Variants in PKD1L3 observed in about 807,000 individuals in gnomAD.
The protein encoded by PKD1L3 is polycystin-1-like protein 3.
In PKD1L3, 239 loss-of-function variants were observed where a neutral mutation model predicts 184.1. The observed-to-expected ratio is 1.30, with a 90% confidence interval of 1.17 to 1.45. The LOEUF (loss-of-function observed/expected upper bound fraction) is 1.45. Ranked by LOEUF, PKD1L3 falls within the 40% of genes most tolerant of loss-of-function variation. The probability of loss-of-function intolerance (pLI) is 0.00; values close to 1 mark genes in which losing one functional copy is unlikely to be tolerated. For synonymous variants in PKD1L3, 996 were observed against 778.8 expected (o/e 1.28, Z -4.64); for missense variants, 2,660 against 2,067.2 (o/e 1.29, Z -5.56).
At position 71,950,143 on chromosome 16, in the gene PKD1L3, G is replaced by C. The variant is rs879920371; in HGVS notation, c.3358C>G (p.Leu1120Val). The C allele has an allele frequency of 6.4e-7, 1 of 1,552,040 alleles. No homozygotes were observed. Among genetic ancestry groups the C allele is most frequent in the Non-Finnish European group, 8.7e-7 (1 of 1,147,084 alleles). The change falls in exon 20 of 30, where the codon CTT becomes GTT. Residue 1120 changes from leucine (L) to valine (V), a missense_variant. By Grantham distance (32) the Leu-to-Val change is conservative. Coordinates refer to ENST00000620267, the MANE Select transcript of PKD1L3 (RefSeq NM_181536.2). ...KLQELLETHI[L>V]PTEQEPSREV... The stretch of plus-strand genomic sequence containing the variant: ...CTGGATGGCTCTTGCTCCGTGGGAA[G>C]AATATGTGTTTCCAAGAGTTCCTGG...
intron 29 of PKD1L3, 32 bp from the exon 30 acceptor site, chr16:71,929,710 GA>G (rs2037854060): frequency 2.7e-6 from 4 of 1,498,120 alleles, no homozygotes; most frequent in Non-Finnish European, 2.7e-6. Flanking sequence ...AGAAAAGTGA[GA>G]AAATTGAAAT....
chr16:71,996,189 C>G (rs968607639), intron 2 of PKD1L3, among the ~76,000 whole-genome samples: 2 of 149,440 alleles, frequency 1.3e-5, no homozygotes, highest in Non-Finnish European at 3.0e-5. Flanking sequence ...GACGCTGATA[C>G]AGTCATGTCA....
intron 16 of PKD1L3, among the ~76,000 whole-genome samples, chr16:71,961,439 G>C (rs2039275255): frequency 6.6e-6 from 1 of 152,036 alleles, no homozygotes; most frequent in African/African-American, 2.4e-5. Flanking sequence ...CCTTGAATCT[G>C]ATTTTCAAAG....
intron 29 of PKD1L3, 65 bp downstream of exon 29, chr16:71,929,987 G>C: frequency 6.8e-7 from 1 of 1,462,744 alleles, no homozygotes; most frequent in Non-Finnish European, 9.2e-7. Flanking sequence ...GTCATCTTAG[G>C]GGCAGTTACA....
chr16:71,945,875 A>C (rs1567499353), intron 22 of PKD1L3, among the ~76,000 whole-genome samples: 1 of 152,148 alleles, frequency 6.6e-6, no homozygotes, highest in Non-Finnish European at 1.5e-5. Context: ...AACAAGGGTG[A>C]TGATAAGGGG....
At chr16:71,936,327 C>T (rs990220599) in intron 25 of PKD1L3, among the ~76,000 whole-genome samples, 5 of 150,954 alleles carry the variant, frequency 3.3e-5, no homozygotes, top group East Asian at 3.9e-4. Context: ...CCCAGTCTCC[C>T]GAGTAGCTGG....
intron 13 of PKD1L3, 89 bp downstream of exon 13, chr16:71,969,786 T>C (rs954658454): frequency 5.0e-6 from 6 of 1,201,460 alleles, no homozygotes; most frequent in Middle Eastern, 2.0e-4. Context: ...CCAGGCTTCC[T>C]GCTGCTTTTG....
At chr16:71,946,520 A>C (rs535246488) in intron 22 of PKD1L3, among the ~76,000 whole-genome samples, 1 of 151,938 alleles carries the variant, frequency 6.6e-6, no homozygotes, top group African/African-American at 2.4e-5. Flanking sequence ...TGTGAGGTTC[A>C]TCCAGGTGAT....
At chr16:71,937,147 C>G (rs1431833571) in intron 25 of PKD1L3, 145 bp downstream of exon 25, 6 of 782,276 alleles carry the variant, frequency 7.7e-6, no homozygotes, top group Non-Finnish European at 1.2e-5. Flanking sequence ...CCTCTGCCTC[C>G]CAGGCTCAAG....
At chr16:71,958,030 T>A (rs529279952) in intron 16 of PKD1L3, among the ~76,000 whole-genome samples, 8 of 152,242 alleles carry the variant, frequency 5.3e-5, no homozygotes, top group African/African-American at 1.9e-4. Flanking sequence ...CTTCAAAGTG[T>A]TAAGGGAAAA....
At position 71,979,861 on chromosome 16, in the gene PKD1L3, G is replaced by A. The variant is rs889780448; in HGVS notation, c.1323C>T (p.Ala441=). ...PLSSYTLGHP[A]PVRLGFPSAL... is the part of the protein sequence containing the mutation. ...CCGACGGAAAGCCTAGCCTCACAGG[G>A]GCTGGGTGACCCAGAGTGTAAGAGC... is the stretch of plus-strand genomic sequence containing the variant. The change falls in exon 9 of 30, where the codon GCC becomes GCT. Residue 441 remains alanine, a synonymous_variant. Transcript: ENST00000620267. 2.6e-6 allele frequency: 4 copies of A among 1,536,470 alleles called. No individual in the cohort carries two copies. The highest frequency in any genetic ancestry group is 2.5e-5 in the South Asian group (2 of 80,598).
At chr16:71,968,147 A>T in intron 13 of PKD1L3, 140 bp from the exon 14 acceptor site, 1 of 645,988 alleles carries the variant, frequency 1.5e-6, no homozygotes, top group South Asian at 1.9e-5. Context: ...TGTGGGCAGC[A>T]GACAGACACA....
intron 19 of PKD1L3, among the ~76,000 whole-genome samples, chr16:71,950,944 C>T (rs2038807094): frequency 6.6e-6 from 1 of 150,388 alleles, no homozygotes; most frequent in East Asian, 1.9e-4. Flanking sequence ...GGTTTTGTCA[C>T]ATTGGCCAGG....
chr16:71,985,562 G>C (rs2040325739), intron 5 of PKD1L3, among the ~76,000 whole-genome samples: 1 of 151,924 alleles, frequency 6.6e-6, no homozygotes, highest in South Asian at 2.1e-4. Flanking sequence ...CCCCCAAGTA[G>C]CTGGGACTAC....
chr16:71,995,787 T>C (rs1347866459), intron 2 of PKD1L3, among the ~76,000 whole-genome samples: 1 of 152,218 alleles, frequency 6.6e-6, no homozygotes, highest in Non-Finnish European at 1.5e-5. Context: ...GATGTATATG[T>C]AATTTTGCTA....
intron 11 of PKD1L3, among the ~76,000 whole-genome samples, chr16:71,974,360 A>G (rs80224450): frequency 3.3e-5 from 5 of 152,268 alleles, no homozygotes; most frequent in Admixed American, 1.3e-4. Context: ...TCTGAATGAC[A>G]TATCATTGCC....
chr16:71,929,738 G>A, intron 29 of PKD1L3, 60 bp from the exon 30 acceptor site: 1 of 1,391,142 alleles, frequency 7.2e-7, no homozygotes, highest in Non-Finnish European at 9.7e-7. Context: ...TAATAGTGGA[G>A]TAAAAAAAGT....
intron 11 of PKD1L3, among the ~76,000 whole-genome samples, chr16:71,974,910 C>T (rs2039861988): frequency 9.2e-6 from 1 of 108,740 alleles, no homozygotes; most frequent in Non-Finnish European, 1.9e-5. Flanking sequence ...GAGACTGTAG[C>T]ATGCTTTCTC....
In PKD1L3 at chr16:71,963,368, A is replaced by T; in HGVS notation, c.2466-17T>A. On this transcript the variant is annotated splice_polypyrimidine_tract_variant and intron_variant, in intron 15 of 29. Coordinates refer to ENST00000620267, the MANE Select transcript of PKD1L3 (RefSeq NM_181536.2). The stretch of plus-strand genomic sequence containing the variant: ...CTGACATACCTATAGTAAAATGAAG[A>T]TAACCACATTAGGGAGATGGGCTTG... The T allele has an allele frequency of 6.5e-7, 1 of 1,541,146 alleles. No individual in the cohort carries two copies. Among genetic ancestry groups the T allele is most frequent in the Non-Finnish European group, 8.8e-7 (1 of 1,141,000 alleles).
Sources: gnomAD v4.1 joint callset for allele counts (sites outside exome capture counted in the v4.1 genomes callset) on GRCh38, gnomAD v4.1.1 for gene constraint, MANE v1.5 for transcripts, NCBI Gene and HGNC (gene_info 2026-07-23, HGNC 2026-07-21) for gene names.